The following SPON1 variants were observed in gnomAD, a reference collection of about 807,000 sequenced individuals.
SPON1 encodes the protein spondin-1.
Under a neutral mutation model 111.7 loss-of-function variants are expected in SPON1, and 52 were observed. The ratio of observed to expected loss-of-function variants is 0.47; its 90% CI spans 0.37 to 0.59. The LOEUF is 0.59. SPON1 is among the 20% of genes least tolerant of loss of function. The probability of loss-of-function intolerance (pLI) is 0.00; values close to 1 mark genes in which losing one functional copy is unlikely to be tolerated. For synonymous variants in SPON1, 410 were observed against 395.8 expected (o/e 1.04, Z -0.43); for missense variants, 957 against 1,068.5 (o/e 0.90, Z 1.46).
At chr11:14,223,647 C>T (rs1361564577) in intron 6 of SPON1, among the ~76,000 whole-genome samples, 6 of 152,190 alleles carry the variant, frequency 3.9e-5, no homozygotes, top group African/African-American at 1.4e-4. Context: ...AAAACTGGGG[C>T]ATACCCCCTC....
At chr11:14,142,783 A>G (rs1307042899) in intron 6 of SPON1, among the ~76,000 whole-genome samples, 1 of 152,242 alleles carries the variant, frequency 6.6e-6, no homozygotes, top group Non-Finnish European at 1.5e-5. Context: ...CACTGAAACT[A>G]ACTTAAGAAC....
chr11:14,116,021 A>G (rs1554925950), intron 5 of SPON1, among the ~76,000 whole-genome samples: 1 of 152,134 alleles, frequency 6.6e-6, no homozygotes, highest in Non-Finnish European at 1.5e-5. Flanking sequence ...GTGTGTTGTC[A>G]TTGACCATTT....
At chr11:13,968,891 CA>C (rs1271862681) in intron 1 of SPON1, among the ~76,000 whole-genome samples, 1 of 152,166 alleles carries the variant, frequency 6.6e-6, no homozygotes, top group East Asian at 1.9e-4. Context: ...TGGGTAGCCA[CA>C]TGCCCAGCTA....
rs993145198 is a variant in SPON1 at position 14,135,521 on chromosome 11, G to T, written c.778G>T (p.Ala260Ser). ...TGCCAGCGAAGGCGTCAAACAAGTT[G>T]CAGAATTGGGCTCACCCGTGAAAAT... ...GYASEGVKQV[A>S]ELGSPVKMEE... is the part of the protein sequence containing the mutation. The change falls in exon 6 of 16, where the codon GCA (alanine) becomes TCA (serine). Residue 260 changes from alanine to serine, a missense_variant. Around this residue, in one of 5 missense-constraint regions of SPON1, gnomAD observed 122 missense variants for 143.2 expected, o/e 0.85. Transcript: ENST00000576479. The surrounding 1 kb of genome is among the most constrained non-coding windows in gnomAD (Gnocchi z 4.4). 1 of 1,613,946 alleles carries T rather than the reference G, an allele frequency of 6.2e-7. No homozygotes were observed. Among genetic ancestry groups the T allele is most frequent in the Non-Finnish European group, 8.5e-7 (1 of 1,179,832 alleles).
chr11:14,199,865 G>A (rs1476593678), intron 6 of SPON1, among the ~76,000 whole-genome samples: 1 of 152,192 alleles, frequency 6.6e-6, no homozygotes, highest in Non-Finnish European at 1.5e-5. Context: ...CCTTGGCCTT[G>A]CCTAAAGGTT....
chr11:14,175,713 C>G (rs548769588), intron 6 of SPON1, among the ~76,000 whole-genome samples: 1 of 152,202 alleles, frequency 6.6e-6, no homozygotes, highest in African/African-American at 2.4e-5. Flanking sequence ...GCTGGCATAC[C>G]AGGTTTCTAG....
At chr11:14,093,127 A>T (rs1161779760) in intron 5 of SPON1, among the ~76,000 whole-genome samples, 1 of 152,246 alleles carries the variant, frequency 6.6e-6, no homozygotes, top group Non-Finnish European at 1.5e-5. Context: ...GAAGGTCTGG[A>T]TTCACTGGTC....
intron 1 of SPON1, among the ~76,000 whole-genome samples, chr11:13,964,191 C>A (rs912046240): frequency 2.0e-5 from 3 of 152,216 alleles, no homozygotes; most frequent in African/African-American, 7.2e-5. Flanking sequence ...GGGTGGGGGA[C>A]AGGTAACCAG....
chr11:14,180,639 G>C (rs1848227612), intron 6 of SPON1, among the ~76,000 whole-genome samples: 1 of 152,182 alleles, frequency 6.6e-6, no homozygotes, highest in Non-Finnish European at 1.5e-5. Flanking sequence ...GCTTCACTGT[G>C]ATTATGATCT....
intron 6 of SPON1, among the ~76,000 whole-genome samples, chr11:14,207,398 G>A (rs1848528774): frequency 6.6e-6 from 1 of 152,004 alleles, no homozygotes; most frequent in African/African-American, 2.4e-5. Flanking sequence ...GCACAGGAGA[G>A]GAAAGTATCA....
rs1324737629 is a variant in SPON1 at position 14,030,574 on chromosome 11, G to A, written c.346-10947G>A. Among the ~76,000 whole-genome samples the A allele has an allele frequency of 2.0e-5, 3 of 152,176 alleles. No homozygotes were observed. In the East Asian group the frequency reaches 5.8e-4, roughly 29 times the overall value. ...TGAGATTTTAAAAGATGAATAAGAT[G>A]GAGGTAAGAATCCGTTTGAAGAGAT... On this transcript the variant is annotated intron_variant, in intron 2 of 15. Coordinates refer to ENST00000576479, the MANE Select transcript of SPON1 (RefSeq NM_006108.4).
At chr11:14,197,136 T>A (rs1179428078) in intron 6 of SPON1, among the ~76,000 whole-genome samples, 2 of 152,220 alleles carry the variant, frequency 1.3e-5, no homozygotes, top group Non-Finnish European at 2.9e-5. Flanking sequence ...AGGCACTTGA[T>A]AGATGCTTAT....
intron 5 of SPON1, among the ~76,000 whole-genome samples, chr11:14,089,001 A>C (rs1849029092): frequency 6.6e-6 from 1 of 151,676 alleles, no homozygotes; most frequent in South Asian, 2.1e-4. Context: ...TTCTTCTCTA[A>C]ACTGGTTATT....
Position 13,963,006 on chromosome 11 carries a change from G to C in SPON1, c.102G>C (p.Leu34=). 6.3e-7 allele frequency: 1 copy of C among 1,594,194 alleles called. No homozygotes were observed. The highest frequency in any genetic ancestry group is 8.5e-7 in the Non-Finnish European group (1 of 1,171,498). Residue 34 remains leucine, a synonymous_variant, in exon 1 of 16, where the codon CTG becomes CTC. Coordinates refer to ENST00000576479, the MANE Select transcript of SPON1 (RefSeq NM_006108.4). Reference sequence around the variant, plus strand: ...CGCTGGCCTTCTCCGACGAGACCCTGGACAAAGTGCCCAAGTCAGAGGGCT... The same window carrying C: ...CGCTGGCCTTCTCCGACGAGACCCTCGACAAAGTGCCCAAGTCAGAGGGCT... ...AAALAFSDET[L]DKVPKSEGYC... is the part of the protein sequence containing the mutation.
chr11:14,262,243 C>T (rs1162708213), intron 14 of SPON1, among the ~76,000 whole-genome samples: 2 of 152,142 alleles, frequency 1.3e-5, no homozygotes, highest in Non-Finnish European at 2.9e-5. Context: ...GTGTTAGAAC[C>T]ACAATGTCCT....
intron 6 of SPON1, among the ~76,000 whole-genome samples, chr11:14,169,628 T>C (rs1848073057): frequency 6.6e-6 from 1 of 151,770 alleles, no homozygotes; most frequent in South Asian, 2.1e-4. Context: ...TTTTATGGTT[T>C]TAGGTCTAAC....
chr11:14,059,742 A>G (rs1848776117), intron 3 of SPON1, among the ~76,000 whole-genome samples: 5 of 152,118 alleles, frequency 3.3e-5, no homozygotes, highest in Admixed American at 3.3e-4. Flanking sequence ...AGTTCCCCCC[A>G]GCAGCCGCTG....
intron 2 of SPON1, among the ~76,000 whole-genome samples, chr11:14,012,697 C>A (rs782303185): frequency 1.3e-5 from 2 of 152,124 alleles, no homozygotes; most frequent in Non-Finnish European, 2.9e-5. Flanking sequence ...GAAGCCAAGC[C>A]CTTCTGAGGC....
chr11:14,171,741 C>T (rs367735959), intron 6 of SPON1, among the ~76,000 whole-genome samples: 4 of 152,078 alleles, frequency 2.6e-5, no homozygotes, highest in Admixed American at 6.6e-5. Flanking sequence ...GCCTTCATTT[C>T]GTTATGTACC....
Sources: gnomAD v4.1 joint callset for allele counts (sites outside exome capture counted in the v4.1 genomes callset) on GRCh38, gnomAD v4.1.1 for gene constraint, gnomAD v4.1.1 regional missense constraint, Gnocchi (gnomAD v3.1) non-coding constraint, MANE v1.5 for transcripts, NCBI Gene and HGNC (gene_info 2026-07-23, HGNC 2026-07-21) for gene names.